Variants in ASIC2 observed in about 807,000 individuals in gnomAD.
ASIC2 encodes acid sensing ion channel subunit 2.
ASIC2 carries 25 observed loss-of-function variants against 57.3 expected under a neutral mutation model. The ratio of observed to expected loss-of-function variants is 0.44; its 90% CI spans 0.32 to 0.61. The LOEUF is 0.61. Among genes scored for constraint, ASIC2 ranks in the 20% least tolerant of loss-of-function variants. ASIC2 has a pLI of 0.06. For missense variants in ASIC2, 641 were observed against 738.1 expected (o/e 0.87, Z 1.52); for synonymous variants, 319 against 307.5 (o/e 1.04, Z -0.39).
intron 1 of ASIC2, among the ~76,000 whole-genome samples, chr17:33,300,492 C>A (rs1485863441): frequency 6.6e-6 from 1 of 152,196 alleles, no homozygotes; most frequent in Non-Finnish European, 1.5e-5. Flanking sequence ...TTTCCCTTAA[C>A]CCTTTGCTAG....
At chr17:33,797,706 T>C (rs1435997200) in intron 1 of ASIC2, among the ~76,000 whole-genome samples, 1 of 152,128 alleles carries the variant, frequency 6.6e-6, no homozygotes, top group Non-Finnish European at 1.5e-5. Context: ...GAAGCGTGAG[T>C]TTGCGCTTCC....
chr17:33,335,971 A>G (rs1907499142), intron 1 of ASIC2, among the ~76,000 whole-genome samples: 1 of 152,158 alleles, frequency 6.6e-6, no homozygotes. Flanking sequence ...TTGAGTCTCC[A>G]TGCTTGATTT....
intron 1 of ASIC2, among the ~76,000 whole-genome samples, chr17:33,782,588 G>A (rs1024288129): frequency 7.2e-5 from 11 of 152,048 alleles, no homozygotes; most frequent in African/African-American, 2.7e-4. Flanking sequence ...AATTAGCTGG[G>A]CTTGGCGGCA....
chr17:33,763,008 G>A (rs1910831674), intron 1 of ASIC2, among the ~76,000 whole-genome samples: 2 of 152,168 alleles, frequency 1.3e-5, no homozygotes. Context: ...AATCAGACAG[G>A]GAAAGGGAAG....
At chr17:34,050,195 C>T (rs1908501845) in intron 1 of ASIC2, among the ~76,000 whole-genome samples, 1 of 152,178 alleles carries the variant, frequency 6.6e-6, no homozygotes, top group African/African-American at 2.4e-5. Context: ...AGTCCATCTT[C>T]TCTCATGAGA....
chr17:33,058,038 A>G (rs2092004841), intron 3 of ASIC2, among the ~76,000 whole-genome samples: 1 of 151,992 alleles, frequency 6.6e-6, no homozygotes, highest in African/African-American at 2.4e-5. Context: ...TCAGGGAACT[A>G]CATATTAAAA....
At chr17:33,531,896 C>T (rs1455740987) in intron 1 of ASIC2, among the ~76,000 whole-genome samples, 1 of 152,136 alleles carries the variant, frequency 6.6e-6, no homozygotes, top group African/African-American at 2.4e-5. Context: ...CCTTAGCCTC[C>T]CACTCGGTTT....
At chr17:33,464,522 T>TTTTCTTTC (rs1567621093) in intron 1 of ASIC2, among the ~76,000 whole-genome samples, 1 of 40,322 alleles carries the variant, frequency 2.5e-5, no homozygotes, top group Non-Finnish European at 5.2e-5. Context: ...CTTTCTTTCT[T>TTTTCTTTC]TCTTTCTTTC....
intron 1 of ASIC2, among the ~76,000 whole-genome samples, chr17:33,639,655 T>A (rs527819997): frequency 1.3e-5 from 2 of 151,740 alleles, no homozygotes; most frequent in East Asian, 3.9e-4. Flanking sequence ...GGGGGACCCA[T>A]TTTCAGCCCA....
intron 1 of ASIC2, among the ~76,000 whole-genome samples, chr17:33,461,222 A>T (rs1240506319): frequency 1.3e-5 from 2 of 152,226 alleles, no homozygotes; most frequent in Non-Finnish European, 2.9e-5. Flanking sequence ...TGAAGGAATG[A>T]ACACTTAACA....
At position 33,467,155 on chromosome 17, in the gene ASIC2, G is replaced by C. The variant is rs183739410; in HGVS notation, c.556-355088C>G. ...AGGGTTTTGCCATGTTGACCAGGCT[G>C]GTCTCAAACTCCTGAGCTCAAGCGA... is the stretch of plus-strand genomic sequence containing the variant. On this transcript the variant is annotated intron_variant, in intron 1 of 9. Transcript: ENST00000359872. 2.8e-3 allele frequency among the ~76,000 whole-genome samples: 426 copies of C among 152,280 alleles called. 2 individuals are homozygous for C. Among genetic ancestry groups the C allele is most frequent in the African/African-American group, 9.7e-3 (404 of 41,570 alleles).
intron 1 of ASIC2, among the ~76,000 whole-genome samples, chr17:33,986,619 C>T (rs1395651693): frequency 6.6e-6 from 1 of 152,096 alleles, no homozygotes; most frequent in Admixed American, 6.5e-5. Context: ...GGGAGGGACA[C>T]TTACTTCCTG....
chr17:33,038,570 A>G (rs2091918394), intron 3 of ASIC2, among the ~76,000 whole-genome samples: 1 of 152,134 alleles, frequency 6.6e-6, no homozygotes, highest in Non-Finnish European at 1.5e-5. Context: ...CATGTACTTG[A>G]CAACTCATCC....
chr17:34,086,736 G>A (rs373228961), intron 1 of ASIC2, among the ~76,000 whole-genome samples: 52 of 152,170 alleles, frequency 3.4e-4, no homozygotes, highest in Admixed American at 7.2e-4. Context: ...TATTGGGTGC[G>A]TATATATTTA....
chr17:33,363,576 C>T (rs1181449395), intron 1 of ASIC2, among the ~76,000 whole-genome samples: 1 of 152,250 alleles, frequency 6.6e-6, no homozygotes, highest in African/African-American at 2.4e-5. Flanking sequence ...GCCCTGCGTT[C>T]CGAGCTGCAT....
intron 1 of ASIC2, among the ~76,000 whole-genome samples, chr17:33,523,713 G>T (rs942705417): frequency 1.3e-5 from 2 of 152,058 alleles, no homozygotes; most frequent in East Asian, 1.9e-4. Context: ...AAATAATCTC[G>T]AAGACACCCA....
chr17:33,892,957 G>A (rs1915002479), intron 1 of ASIC2, among the ~76,000 whole-genome samples: 1 of 152,188 alleles, frequency 6.6e-6, no homozygotes, highest in Admixed American at 6.5e-5. Flanking sequence ...GGAAAGGAAT[G>A]ACTCTTAAGG....
intron 1 of ASIC2, among the ~76,000 whole-genome samples, chr17:33,862,623 T>C (rs1914127343): frequency 6.6e-6 from 1 of 152,184 alleles, no homozygotes; most frequent in African/African-American, 2.4e-5. Context: ...TCTACTTATG[T>C]GTCTGCAGCT....
At chr17:33,994,778 T>C (rs185178084) in intron 1 of ASIC2, among the ~76,000 whole-genome samples, 2 of 152,166 alleles carry the variant, frequency 1.3e-5, no homozygotes, top group East Asian at 3.9e-4. Flanking sequence ...CAGACACTCA[T>C]AGACTTTGGA....
Sources: gnomAD v4.1 joint callset for allele counts (sites outside exome capture counted in the v4.1 genomes callset) on GRCh38, gnomAD v4.1.1 for gene constraint, MANE v1.5 for transcripts, NCBI Gene and HGNC (gene_info 2026-07-23, HGNC 2026-07-21) for gene names.